Variants in MBD5 observed in about 807,000 individuals in gnomAD.
MBD5 encodes the protein methyl-CpG-binding domain protein 5.
MBD5 carries 13 observed loss-of-function variants against 117.3 expected under a neutral mutation model. The ratio of observed to expected loss-of-function variants is 0.11; its 90% CI spans 0.07 to 0.18. The LOEUF (loss-of-function observed/expected upper bound fraction) is 0.18. Among genes scored for constraint, MBD5 ranks in the 10% least tolerant of loss-of-function variants. The probability of loss-of-function intolerance (pLI) is 1.00; values close to 1 mark genes in which losing one functional copy is unlikely to be tolerated. For synonymous variants in MBD5, 727 were observed against 766.4 expected (o/e 0.95, Z 0.85); for missense variants, 1,879 against 2,093.8 (o/e 0.90, Z 2.00).
At chr2:148,149,593 C>T (rs201452546) in intron 1 of MBD5, among the ~76,000 whole-genome samples, 3 of 151,762 alleles carry the variant, frequency 2.0e-5, no homozygotes, top group Admixed American at 6.6e-5. Context: ...ACATCCTCAC[C>T]AGCACCTGTT....
At chr2:148,203,017 A>G (rs936383290) in intron 2 of MBD5, among the ~76,000 whole-genome samples, 9 of 151,638 alleles carry the variant, frequency 5.9e-5, no homozygotes, top group African/African-American at 2.2e-4. Flanking sequence ...AAGCAGGAGA[A>G]TCGCTTGAAC....
intron 2 of MBD5, among the ~76,000 whole-genome samples, chr2:148,211,899 C>T (rs1205026360): frequency 1.3e-5 from 2 of 152,126 alleles, no homozygotes; most frequent in Non-Finnish European, 2.9e-5. Context: ...TGTGTGCCAC[C>T]ATGCCCAGCT....
chr2:148,404,685 C>G (rs1196230963), intron 4 of MBD5, among the ~76,000 whole-genome samples: 1 of 152,166 alleles, frequency 6.6e-6, no homozygotes. Flanking sequence ...TTCTGAGGGA[C>G]TGCGCCTTCA....
intron 3 of MBD5, among the ~76,000 whole-genome samples, chr2:148,300,117 C>T (rs1237195479): frequency 4.6e-5 from 7 of 151,890 alleles, no homozygotes; most frequent in African/African-American, 1.2e-4. Flanking sequence ...TGCAGTGGCA[C>T]GATCTCAGCT....
chr2:148,069,620 C>T (rs1408086398), intron 1 of MBD5, among the ~76,000 whole-genome samples: 2 of 151,914 alleles, frequency 1.3e-5, no homozygotes, highest in African/African-American at 4.8e-5. Context: ...TTTGTCTATA[C>T]AAGCCGCTGT....
At chr2:148,119,627 A>G (rs1696719370) in intron 1 of MBD5, among the ~76,000 whole-genome samples, 1 of 152,126 alleles carries the variant, frequency 6.6e-6, no homozygotes, top group South Asian at 2.1e-4. Flanking sequence ...TTAAGATGTT[A>G]TAGTTGTAGC....
At position 148,503,735 on chromosome 2, in the gene MBD5, G is replaced by A. The variant is rs139279672; in HGVS notation, c.5036+1226G>A. On this transcript the variant is annotated intron_variant, in intron 12 of 13. Coordinates refer to ENST00000642680, the MANE Select transcript of MBD5 (RefSeq NM_001378120.1). ...CTCTAGACCTGATAAGGAAAACAGGGATCAAGGTCCCTTCTACTCTTACTG... is the reference window on the plus strand; with the variant it reads ...CTCTAGACCTGATAAGGAAAACAGGAATCAAGGTCCCTTCTACTCTTACTG... 2.6e-5 allele frequency among the ~76,000 whole-genome samples: 4 copies of A among 152,262 alleles called. No homozygotes were observed. In the East Asian group the frequency reaches 5.8e-4, roughly 22 times the overall value.
At chr2:148,199,272 C>T (rs921394863) in intron 2 of MBD5, among the ~76,000 whole-genome samples, 1 of 152,072 alleles carries the variant, frequency 6.6e-6, no homozygotes, top group African/African-American at 2.4e-5. Context: ...TAGGTATTAA[C>T]CCCAGTATTG....
chr2:148,078,480 C>T (rs1195326905), intron 1 of MBD5, among the ~76,000 whole-genome samples: 1 of 152,176 alleles, frequency 6.6e-6, no homozygotes, highest in South Asian at 2.1e-4. Context: ...ATACAGTCCA[C>T]TTCTCCTGGC....
chr2:148,285,537 A>T (rs1006309059), intron 3 of MBD5, among the ~76,000 whole-genome samples: 19 of 152,174 alleles, frequency 1.2e-4, no homozygotes, highest in African/African-American at 4.6e-4. Flanking sequence ...AAAATACTAG[A>T]TTTACAAATC....
At chr2:148,246,763 C>A (rs1335774421) in intron 3 of MBD5, among the ~76,000 whole-genome samples, 113 of 70,070 alleles carry the variant, frequency 1.6e-3, no homozygotes, top group African/African-American at 3.5e-3. Flanking sequence ...GACTCCATCT[C>A]AAAAAAAAAA....
At position 148,176,554 on chromosome 2, in the gene MBD5, G is replaced by A. The variant is rs538342968; in HGVS notation, c.-924-2146G>A. On this transcript the variant is annotated intron_variant, in intron 1 of 13. Transcript: ENST00000642680. ...CTCCCGAGTAGCTGGGATTGTAGGCGCACACCACCACACCCAGCCAATTTT... is the reference window on the plus strand; with the variant it reads ...CTCCCGAGTAGCTGGGATTGTAGGCACACACCACCACACCCAGCCAATTTT... 5.9e-5 allele frequency among the ~76,000 whole-genome samples: 9 copies of A among 151,474 alleles called. No homozygotes were observed. The South Asian group carries it at 1.7e-3, about 28-fold the overall frequency.
intron 2 of MBD5, among the ~76,000 whole-genome samples, chr2:148,226,081 CT>C (rs1244957754): frequency 6.6e-6 from 1 of 151,786 alleles, no homozygotes. Flanking sequence ...AGGCCAATAA[CT>C]CGTAGATTTG....
At chr2:148,322,476 T>C (rs1366562064) in intron 3 of MBD5, among the ~76,000 whole-genome samples, 1 of 152,246 alleles carries the variant, frequency 6.6e-6, no homozygotes, top group Admixed American at 6.5e-5. Context: ...TGCTCATTTT[T>C]ATGAAATTTG....
intron 3 of MBD5, among the ~76,000 whole-genome samples, chr2:148,245,472 C>G (rs1049657454): frequency 3.9e-5 from 6 of 152,030 alleles, no homozygotes; most frequent in Admixed American, 1.3e-4. Context: ...CGGCTTGTGC[C>G]TGTGGTCCCA....
intron 2 of MBD5, among the ~76,000 whole-genome samples, chr2:148,230,047 C>G (rs529353874): frequency 2.0e-4 from 30 of 152,130 alleles, no homozygotes; most frequent in African/African-American, 7.0e-4. Flanking sequence ...GTAACCACTC[C>G]TGGGCTTCAG....
At chr2:148,294,509 T>TTTTTTTTTTTTTTTTTTTTTTTTTTG in intron 3 of MBD5, among the ~76,000 whole-genome samples, 1 of 129,984 alleles carries the variant, frequency 7.7e-6, no homozygotes, top group Non-Finnish European at 1.6e-5. Flanking sequence ...CAGTTTTTTT[T>TTTTTTTTTTTTTTTTTTTTTTTTTTG]TTTTTTTTTT....
intron 4 of MBD5, among the ~76,000 whole-genome samples, chr2:148,428,022 G>A (rs924990952): frequency 6.6e-6 from 1 of 152,092 alleles, no homozygotes; most frequent in African/African-American, 2.4e-5. Context: ...AAGAAATAAA[G>A]GGTATTTGAA....
At chr2:148,479,751 A>C (rs1470049888) in intron 8 of MBD5, among the ~76,000 whole-genome samples, 1 of 146,968 alleles carries the variant, frequency 6.8e-6, no homozygotes, top group Non-Finnish European at 1.5e-5. Context: ...TTGCTTCTGC[A>C]TAGAGGCCCT....
Sources: gnomAD v4.1 joint callset for allele counts (sites outside exome capture counted in the v4.1 genomes callset) on GRCh38, gnomAD v4.1.1 for gene constraint, MANE v1.5 for transcripts, NCBI Gene and HGNC (gene_info 2026-07-23, HGNC 2026-07-21) for gene names.